Variants in C8orf74 observed in about 807,000 individuals in gnomAD.
C8orf74 encodes the protein uncharacterized protein C8orf74.
In C8orf74, 29 loss-of-function variants were observed where a neutral mutation model predicts 22.2. The observed-to-expected ratio is 1.31, with a 90% CI of 0.97 to 1.78. The LOEUF is 1.78. Ranked by LOEUF, C8orf74 falls within the 40% of genes most tolerant of loss-of-function variation. The pLI is 0.00. For synonymous variants in C8orf74, 255 were observed against 163.1 expected (o/e 1.56, Z -4.30); for missense variants, 515 against 369.9 (o/e 1.39, Z -3.22).
intron 2 of C8orf74, among the ~76,000 whole-genome samples, chr8:10,695,362 A>G (rs1799469143): frequency 6.6e-6 from 1 of 152,106 alleles, no homozygotes; most frequent in Admixed American, 6.5e-5. Context: ...CTTGGGCTCC[A>G]AGCCTGCTGG....
intron 2 of C8orf74, among the ~76,000 whole-genome samples, chr8:10,683,206 C>G (rs1305778862): frequency 1.3e-5 from 2 of 152,238 alleles, no homozygotes; most frequent in Non-Finnish European, 2.9e-5. Flanking sequence ...AACTGGGTCA[C>G]CCAGAGCTGC....
intron 2 of C8orf74, chr8:10,687,124 C>T (rs894260054): frequency 2.4e-5 from 11 of 456,104 alleles, no homozygotes; most frequent in Admixed American, 2.3e-5. Flanking sequence ...TGTAGGAATG[C>T]CAGCAGAGGC....
intron 3 of C8orf74, among the ~76,000 whole-genome samples, chr8:10,698,225 A>C (rs1484027042): frequency 6.6e-6 from 1 of 151,904 alleles, no homozygotes; most frequent in Non-Finnish European, 1.5e-5. Context: ...AGAACATTTT[A>C]ACTCGCCAAG....
chr8:10,674,767 G>T lies in C8orf74; in HGVS notation c.170G>T (p.Gly57Val). The T allele has an allele frequency of 6.2e-7, 1 of 1,606,688 alleles. No individual in the cohort carries two copies. Among genetic ancestry groups the T allele is most frequent in the Non-Finnish European group, 8.5e-7 (1 of 1,176,690 alleles). Reference sequence around the variant, plus strand: ...TACGAGAGCATCATCTTTGCAGTGGGCAAAGGCTTCCCATGGGTGGAGGTG... The same window carrying T: ...TACGAGAGCATCATCTTTGCAGTGGTCAAAGGCTTCCCATGGGTGGAGGTG... ...TLYESIIFAV[G>V]KGFPWVEVAQ... Residue 57 changes from glycine (G) to valine (V), a missense_variant, in exon 2 of 4, where the codon GGC (glycine) becomes GTC (valine). Physicochemically the swap from Gly to Val is moderately radical, Grantham distance 109. Coordinates refer to ENST00000304519, the MANE Select transcript of C8orf74 (RefSeq NM_001040032.2).
chr8:10,690,754 G>A (rs922532870), intron 2 of C8orf74: 32 of 412,650 alleles, frequency 7.8e-5, no homozygotes, highest in Admixed American at 4.7e-4. Context: ...CCCCTGGTCC[G>A]AGCCGTTTCT....
intron 2 of C8orf74, among the ~76,000 whole-genome samples, chr8:10,693,915 G>C (rs187194389): frequency 6.6e-6 from 1 of 152,202 alleles, no homozygotes; most frequent in Non-Finnish European, 1.5e-5. Context: ...TCTCCATGCA[G>C]CTCTTGCCAT....
chr8:10,690,678 G>T (rs1013092936), intron 2 of C8orf74, among the ~76,000 whole-genome samples: 1 of 152,116 alleles, frequency 6.6e-6, no homozygotes, highest in Non-Finnish European at 1.5e-5. Context: ...CAGGGGTGTG[G>T]CGCATCTCCC....
intron 2 of C8orf74, chr8:10,688,499 G>A (rs1444387189): frequency 2.0e-5 from 3 of 152,348 alleles, no homozygotes; most frequent in Non-Finnish European, 1.5e-5. Flanking sequence ...CGAGCTTCAA[G>A]GAATGGCCCC....
chr8:10,683,303 C>T (rs1799191336), intron 2 of C8orf74, among the ~76,000 whole-genome samples: 1 of 152,222 alleles, frequency 6.6e-6, no homozygotes, highest in Admixed American at 6.5e-5. Context: ...TGAGTTGTGC[C>T]CTTTGGCTAA....
chr8:10,690,339 G>T (rs1192680089), intron 2 of C8orf74, among the ~76,000 whole-genome samples: 1 of 152,192 alleles, frequency 6.6e-6, no homozygotes, highest in Non-Finnish European at 1.5e-5. Context: ...AGCTCACCTG[G>T]GCGGTACAGT....
At chr8:10,698,855 A>T (rs1457077002) in intron 3 of C8orf74, among the ~76,000 whole-genome samples, 2 of 150,814 alleles carry the variant, frequency 1.3e-5, no homozygotes, top group Non-Finnish European at 3.0e-5. Context: ...TCATCAGCTG[A>T]AGAGCAAATG....
intron 2 of C8orf74, among the ~76,000 whole-genome samples, chr8:10,693,406 G>A (rs1799425486): frequency 6.6e-6 from 1 of 152,162 alleles, no homozygotes; most frequent in Admixed American, 6.5e-5. Flanking sequence ...ATATCTGTGT[G>A]TTTCCTCCCC....
chr8:10,695,716 G>T (rs1429939028), intron 2 of C8orf74, among the ~76,000 whole-genome samples: 1 of 152,176 alleles, frequency 6.6e-6, no homozygotes, highest in African/African-American at 2.4e-5. Context: ...TGCTGAAGGG[G>T]CATGGAGCAC....
Position 10,697,808 on chromosome 8 carries a change from C to A in C8orf74, c.451C>A (p.Leu151Ile). ...GGAGGTGTGCATGCCACCCCATCCC[C>A]TCCCGCTGGCCGAGGGCATGGACAG... is the stretch of plus-strand genomic sequence containing the variant. ...HLEVCMPPHPLPLAEGMDRDL... is the reference protein window; with the variant it reads ...HLEVCMPPHPIPLAEGMDRDL... Residue 151 changes from leucine (L) to isoleucine (I), a missense_variant, in exon 3 of 4, where the codon CTC (leucine) becomes ATC (isoleucine). Transcript: ENST00000304519. 1 of 1,614,020 alleles carries A rather than the reference C, an allele frequency of 6.2e-7. No homozygotes were observed. Among genetic ancestry groups the A allele is most frequent in the Non-Finnish European group, 8.5e-7 (1 of 1,179,898 alleles).
At chr8:10,689,690 C>T (rs979296526) in intron 2 of C8orf74, 45 of 152,124 alleles carry the variant, frequency 3.0e-4, no homozygotes, top group African/African-American at 1.0e-3. Flanking sequence ...ACAGTCGATT[C>T]CCATACATTT....
Position 10,697,880 on chromosome 8 carries a change from G to C in C8orf74, c.523G>C (p.Glu175Gln), listed in dbSNP as rs574000884. 18 of 1,612,648 alleles carry C rather than the reference G, an allele frequency of 1.1e-5. No homozygotes were observed. In the South Asian group the frequency reaches 1.5e-4, roughly 14 times the overall value. ...EQQVATLTEA[E>Q]AQKRADVLLL... is the part of the protein sequence containing the mutation. The stretch of plus-strand genomic sequence containing the variant: ...GCAGGTGGCCACACTGACGGAGGCC[G>C]AGGCACAGAAGCGCGCCGACGTGCT... Residue 175 changes from glutamate to glutamine, a missense_variant, in exon 3 of 4, where the codon GAG (glutamate) becomes CAG (glutamine). Glu to Gln is a conservative substitution (Grantham distance 29). Coordinates refer to ENST00000304519, the MANE Select transcript of C8orf74 (RefSeq NM_001040032.2).
chr8:10,697,982 C>A lies in C8orf74; in HGVS notation c.625C>A (p.Pro209Thr). 2 of 1,505,496 alleles carry A rather than the reference C, an allele frequency of 1.3e-6. No homozygotes were observed. Among genetic ancestry groups the A allele is most frequent in the Non-Finnish European group, 1.8e-6 (2 of 1,129,650 alleles). The allele number at this position is 1,505,496 out of a possible 1,614,324, so 93.3% of individuals were successfully genotyped here. A position where few individuals can be genotyped will look rare whatever the true frequency, so the allele number is the denominator to read the frequency against. Residue 209 changes from proline to threonine, a missense_variant, in exon 3 of 4, where the codon CCC (proline) becomes ACC (threonine). Pro to Thr is a conservative substitution (Grantham distance 38). Coordinates refer to ENST00000304519, the MANE Select transcript of C8orf74 (RefSeq NM_001040032.2). ...KAFAAAAPAQ[P>T]GQVLERQELE... Reference sequence around the variant, plus strand: ...GTTCGCTGCCGCCGCGCCTGCGCAGCCCGGCCAGGTCCTGGAGAGACAGGT... The same window carrying A: ...GTTCGCTGCCGCCGCGCCTGCGCAGACCGGCCAGGTCCTGGAGAGACAGGT...
intron 2 of C8orf74, among the ~76,000 whole-genome samples, chr8:10,687,826 C>T (rs1227330107): frequency 6.6e-6 from 1 of 152,040 alleles, no homozygotes; most frequent in Non-Finnish European, 1.5e-5. Flanking sequence ...GAGAAAAATG[C>T]ATAAATTATA....
chr8:10,698,210 C>T (rs142162754), intron 3 of C8orf74, among the ~76,000 whole-genome samples: 140 of 152,244 alleles, frequency 9.2e-4, no homozygotes, highest in African/African-American at 3.2e-3. Context: ...ACGACTGAGG[C>T]GCAGAGAACA....
Sources: gnomAD v4.1 joint callset for allele counts (sites outside exome capture counted in the v4.1 genomes callset) on GRCh38, gnomAD v4.1.1 for gene constraint, MANE v1.5 for transcripts, NCBI Gene and HGNC (gene_info 2026-07-23, HGNC 2026-07-21) for gene names.